IMMP2L: variants seen among roughly 807,000 people sequenced by gnomAD.
IMMP2L encodes the protein mitochondrial inner membrane protease subunit 2.
Under a neutral mutation model 19.3 loss-of-function variants are expected in IMMP2L, and 18 were observed. That is an observed-to-expected ratio of 0.93 (90% CI 0.64 to 1.38). IMMP2L has a LOEUF of 1.38. IMMP2L is among the 40% of genes most tolerant of loss of function. The pLI is 0.00. For missense variants in IMMP2L, 233 were observed against 218.2 expected, an observed-to-expected ratio of 1.07 and a Z score of -0.43; for synonymous variants, 76 against 73.0, an observed-to-expected ratio of 1.04 and a Z score of -0.21.
chr7:110,865,470 T>C (rs1007700995), intron 5 of IMMP2L, among the ~76,000 whole-genome samples: 4 of 152,094 alleles, frequency 2.6e-5, no homozygotes, highest in African/African-American at 7.2e-5. Flanking sequence ...TATAAAACAT[T>C]GTTTGAAGCT....
intron 5 of IMMP2L, among the ~76,000 whole-genome samples, chr7:110,666,957 C>T (rs186285011): frequency 5.3e-4 from 80 of 152,130 alleles, no homozygotes; most frequent in Non-Finnish European, 8.4e-4. Context: ...CTGCAAGGTC[C>T]GCCTCCCAGG....
chr7:111,375,143 A>C (rs538851084), intron 3 of IMMP2L, among the ~76,000 whole-genome samples: 1 of 152,220 alleles, frequency 6.6e-6, no homozygotes, highest in Admixed American at 6.5e-5. Context: ...ATAGACTAAA[A>C]GTACTCACAC....
intron 3 of IMMP2L, among the ~76,000 whole-genome samples, chr7:111,203,468 A>AC (rs1810368349): frequency 6.6e-6 from 1 of 152,108 alleles, no homozygotes; most frequent in South Asian, 2.1e-4. Context: ...ACTTTAAATA[A>AC]GGCAGTCAGA....
chr7:110,932,590 G>T (rs1051948460), intron 4 of IMMP2L, among the ~76,000 whole-genome samples: 2 of 152,068 alleles, frequency 1.3e-5, no homozygotes, highest in Non-Finnish European at 2.9e-5. Flanking sequence ...TCCTGACCTC[G>T]TGATCTACCC....
intron 3 of IMMP2L, among the ~76,000 whole-genome samples, chr7:111,471,524 C>G (rs2088026141): frequency 6.6e-6 from 1 of 151,932 alleles, no homozygotes; most frequent in Non-Finnish European, 1.5e-5. Context: ...CAAATGAAAC[C>G]AACACCAGAT....
At chr7:110,793,107 T>C (rs1311983039) in intron 5 of IMMP2L, among the ~76,000 whole-genome samples, 1 of 152,032 alleles carries the variant, frequency 6.6e-6, no homozygotes, top group Non-Finnish European at 1.5e-5. Flanking sequence ...GGTCAAAATG[T>C]ATCCAGAAAT....
chr7:111,302,767 T>C (rs1010867150), intron 3 of IMMP2L, among the ~76,000 whole-genome samples: 49 of 152,160 alleles, frequency 3.2e-4, no homozygotes, highest in African/African-American at 1.1e-3. Flanking sequence ...ATCTTTTATT[T>C]GGTGACTTAT....
At chr7:110,768,874 A>G (rs1798847909) in intron 5 of IMMP2L, among the ~76,000 whole-genome samples, 3 of 152,218 alleles carry the variant, frequency 2.0e-5, no homozygotes, top group African/African-American at 7.2e-5. Context: ...GCACTAGCTC[A>G]GAGCCCTGAT....
chr7:110,702,292 A>G lies in IMMP2L; in HGVS notation c.409-38571T>C, dbSNP rs557006767. Among the ~76,000 whole-genome samples the G allele has an allele frequency of 2.0e-5, 3 of 152,312 alleles. No individual in the cohort carries two copies. In the South Asian group the frequency reaches 6.2e-4, roughly 32 times the overall value. On this transcript the variant is annotated intron_variant, in intron 5 of 5. Coordinates refer to ENST00000405709, the MANE Select transcript of IMMP2L (RefSeq NM_032549.4). ...CGCACTTGTGACAAATTTGGAATACAAATTTGGATTTTATTTTGGCTCATA... is the reference window on the plus strand; with the variant it reads ...CGCACTTGTGACAAATTTGGAATACGAATTTGGATTTTATTTTGGCTCATA...
chr7:110,809,801 A>C (rs917016516), intron 5 of IMMP2L, among the ~76,000 whole-genome samples: 5 of 152,070 alleles, frequency 3.3e-5, no homozygotes, highest in Non-Finnish European at 7.4e-5. Context: ...GCAATTCATT[A>C]GGCAAAATAT....
At chr7:110,967,850 T>C (rs1819716346) in intron 3 of IMMP2L, among the ~76,000 whole-genome samples, 1 of 152,098 alleles carries the variant, frequency 6.6e-6, no homozygotes, top group Non-Finnish European at 1.5e-5. Context: ...CTCAACACAA[T>C]GATAAAAAGT....
intron 3 of IMMP2L, among the ~76,000 whole-genome samples, chr7:111,479,968 T>C (rs1246248013): frequency 2.0e-5 from 3 of 152,134 alleles, no homozygotes; most frequent in Non-Finnish European, 4.4e-5. Context: ...TAAGATGTAA[T>C]TTGTCTCTGA....
At chr7:111,329,583 AT>A (rs1176124314) in intron 3 of IMMP2L, among the ~76,000 whole-genome samples, 12 of 151,994 alleles carry the variant, frequency 7.9e-5, no homozygotes, top group African/African-American at 2.9e-4. Flanking sequence ...CAGAACACTG[AT>A]AACAGAAAGG....
intron 3 of IMMP2L, among the ~76,000 whole-genome samples, chr7:111,126,620 C>A (rs1019101979): frequency 2.6e-5 from 4 of 151,842 alleles, no homozygotes; most frequent in African/African-American, 9.7e-5. Flanking sequence ...CATTAGTAGT[C>A]ATTTAAAAAT....
At chr7:110,779,787 G>T (rs1799616182) in intron 5 of IMMP2L, among the ~76,000 whole-genome samples, 1 of 151,732 alleles carries the variant, frequency 6.6e-6, no homozygotes, top group South Asian at 2.1e-4. Flanking sequence ...TTCCTGGCAG[G>T]ATCTTACTCA....
At chr7:110,825,060 G>T (rs531681480) in intron 5 of IMMP2L, among the ~76,000 whole-genome samples, 94 of 151,876 alleles carry the variant, frequency 6.2e-4, no homozygotes, top group African/African-American at 2.1e-3. Flanking sequence ...ACAAATAGCC[G>T]AATCATGAGT....
intron 5 of IMMP2L, among the ~76,000 whole-genome samples, chr7:110,829,800 T>C (rs969529792): frequency 6.6e-6 from 1 of 152,168 alleles, no homozygotes; most frequent in Non-Finnish European, 1.5e-5. Context: ...AACTTCATCT[T>C]TGAAGGCTCC....
intron 5 of IMMP2L, among the ~76,000 whole-genome samples, chr7:110,838,237 A>C (rs1198828001): frequency 6.6e-6 from 1 of 152,152 alleles, no homozygotes; most frequent in African/African-American, 2.4e-5. Flanking sequence ...TAAATAATAT[A>C]CATGTTCTAC....
chr7:111,506,848 T>C (rs776860707), intron 2 of IMMP2L, among the ~76,000 whole-genome samples: 18 of 152,138 alleles, frequency 1.2e-4, no homozygotes, highest in South Asian at 2.1e-4. Context: ...GTTTTTGCTT[T>C]TGTTTTTGTT....
Sources: gnomAD v4.1 joint callset for allele counts (sites outside exome capture counted in the v4.1 genomes callset) on GRCh38, gnomAD v4.1.1 for gene constraint, MANE v1.5 for transcripts, NCBI Gene and HGNC (gene_info 2026-07-23, HGNC 2026-07-21) for gene names.